TAF2: variants seen among roughly 807,000 people sequenced by gnomAD.
The protein encoded by TAF2 is TATA-box binding protein associated factor 2.
A neutral mutation model predicts 138.5 loss-of-function variants in TAF2; 61 were observed. The observed-to-expected ratio is 0.44, with a 90% confidence interval of 0.36 to 0.54. The LOEUF is 0.54. TAF2 is among the 20% of genes least tolerant of loss of function. The pLI, the probability that TAF2 is intolerant of heterozygous loss-of-function variation, is 0.00. For missense variants in TAF2, 1,090 were observed against 1,427.9 expected (o/e 0.76, Z 3.81); for synonymous variants, 475 against 469.9 (o/e 1.01, Z -0.14).
At chr8:119,762,308 A>T in intron 19 of TAF2, 107 bp downstream of exon 19, 1 of 1,051,804 alleles carries the variant, frequency 9.5e-7, no homozygotes, top group Non-Finnish European at 1.4e-6. Flanking sequence ...ACAGAATTTT[A>T]GTTTTCTCAT....
intron 22 of TAF2, among the ~76,000 whole-genome samples, chr8:119,753,072 T>C (rs1820462172): frequency 6.6e-6 from 1 of 152,156 alleles, no homozygotes; most frequent in African/African-American, 2.4e-5. Flanking sequence ...ACAATAACCA[T>C]TAAGAAGATA....
At chr8:119,778,572 C>T (rs1822422115) in intron 17 of TAF2, among the ~76,000 whole-genome samples, 2 of 152,288 alleles carry the variant, frequency 1.3e-5, no homozygotes, top group African/African-American at 2.4e-5. Context: ...GCCTTTAGCT[C>T]GTTGCCTATT....
chr8:119,801,985 T>G lies in TAF2; in HGVS notation c.601A>C (p.Thr201Pro), dbSNP rs1295782447. ...PCVDSYSELC[T>P]WKLEFTVDAA... ...TCTACTGTAAATTCTAATTTCCATGTACACAATTCAGAGTATGAATCAACA... is the reference window on the plus strand; with the variant it reads ...TCTACTGTAAATTCTAATTTCCATGGACACAATTCAGAGTATGAATCAACA... Residue 201 changes from threonine to proline, a missense_variant, in exon 6 of 26, where the codon ACA (threonine) becomes CCA (proline). Coordinates refer to ENST00000378164, the MANE Select transcript of TAF2 (RefSeq NM_003184.4). 1 of 1,614,014 alleles carries G rather than the reference T, an allele frequency of 6.2e-7. No homozygotes were observed. The highest frequency in any genetic ancestry group is 8.5e-7 in the Non-Finnish European group (1 of 1,180,018).
At chr8:119,785,140 A>G in intron 15 of TAF2, 61 bp downstream of exon 15, 1 of 1,383,764 alleles carries the variant, frequency 7.2e-7, no homozygotes, top group Non-Finnish European at 1.0e-6. Flanking sequence ...TACGCATAAC[A>G]AAGTAGACAG....
chr8:119,829,021 T>G (rs968332854), intron 2 of TAF2, among the ~76,000 whole-genome samples: 3 of 152,254 alleles, frequency 2.0e-5, no homozygotes, highest in African/African-American at 4.8e-5. Flanking sequence ...TTTCAGTGGC[T>G]CATAGGACTT....
In TAF2 at chr8:119,788,865, T is replaced by A; in HGVS notation, c.1608A>T (p.Ala536=). The A allele has an allele frequency of 6.2e-7, 1 of 1,613,858 alleles. No individual in the cohort carries two copies. Among genetic ancestry groups the A allele is most frequent in the Non-Finnish European group, 8.5e-7 (1 of 1,179,820 alleles). ...SGVVKFYGSF[A]FNRKRNVLEL... Reference sequence around the variant, plus strand: ...CCAAGACATTTCGTTTTCTATTAAATGCAAAACTTCCATAAAATTTTACCA... The same window carrying A: ...CCAAGACATTTCGTTTTCTATTAAAAGCAAAACTTCCATAAAATTTTACCA... Residue 536 remains alanine, a synonymous_variant, in exon 13 of 26, where the codon GCA becomes GCT. Coordinates refer to ENST00000378164, the MANE Select transcript of TAF2 (RefSeq NM_003184.4).
chr8:119,816,050 CTTT>C (rs770573593), intron 3 of TAF2, among the ~76,000 whole-genome samples: 6 of 133,906 alleles, frequency 4.5e-5, no homozygotes, highest in South Asian at 2.5e-4. Context: ...CACACTCTTT[CTTT>C]TTTTTTTTTT....
In TAF2 at chr8:119,788,789, C is replaced by T. The variant is rs1823214481; in HGVS notation, c.1683+1G>A. On this transcript the variant is annotated splice_donor_variant, in intron 13 of 25. Coordinates refer to ENST00000378164, the MANE Select transcript of TAF2 (RefSeq NM_003184.4). LOFTEE classifies it high-confidence loss of function. Reference sequence around the variant, plus strand: ...AAAGGCGATTTTGGAAAAAGACTTACCACGTATTTCTGAGTTCCAGGAGAT... The same window carrying T: ...AAAGGCGATTTTGGAAAAAGACTTATCACGTATTTCTGAGTTCCAGGAGAT... 1.2e-6 allele frequency: 2 copies of T among 1,608,096 alleles called. No homozygotes were observed. The highest frequency in any genetic ancestry group is 1.7e-5 in the Admixed American group (1 of 59,978).
intron 18 of TAF2, among the ~76,000 whole-genome samples, chr8:119,765,091 T>C (rs1012753165): frequency 6.6e-6 from 1 of 152,190 alleles, no homozygotes; most frequent in African/African-American, 2.4e-5. Flanking sequence ...TACAATGTAA[T>C]AAGTTCTGCG....
chr8:119,811,427 C>T (rs1490828284), intron 3 of TAF2, among the ~76,000 whole-genome samples: 1 of 152,030 alleles, frequency 6.6e-6, no homozygotes, highest in Admixed American at 6.6e-5. Context: ...GCTACACACG[C>T]CCTAGTAAAC....
Position 119,788,346 on chromosome 8 carries a change from T to C in TAF2, c.1785A>G (p.Lys595=). Residue 595 remains lysine (K), a synonymous_variant, in exon 14 of 26, where the codon AAA becomes AAG. Transcript: ENST00000378164. ...SLKHDIPCHS[K]SRRNKKKKIP... ...TATTATGTAATGCCTACCTTCTACT[T>C]TTGGAATGGCAGGGTATATCATGTT... is the stretch of plus-strand genomic sequence containing the variant. The C allele has an allele frequency of 6.2e-7, 1 of 1,612,512 alleles. No individual in the cohort carries two copies. Among genetic ancestry groups the C allele is most frequent in the Non-Finnish European group, 8.5e-7 (1 of 1,178,766 alleles).
At chr8:119,741,340 TGAA>T (rs1260710280) in intron 25 of TAF2, among the ~76,000 whole-genome samples, 3 of 152,158 alleles carry the variant, frequency 2.0e-5, no homozygotes, top group Admixed American at 6.5e-5. Context: ...TCAAACTGTA[TGAA>T]GGAGTTTGAA....
chr8:119,797,279 C>T (rs1293177888), intron 7 of TAF2, among the ~76,000 whole-genome samples, 176 bp from the exon 8 acceptor site: 1 of 151,972 alleles, frequency 6.6e-6, no homozygotes, highest in Non-Finnish European at 1.5e-5. Flanking sequence ...TTGCTTAAAG[C>T]AAAGAACACA....
In TAF2 at chr8:119,788,331, T is replaced by C. The variant is rs1823172909; in HGVS notation, c.1793+7A>G. ...CTTTCAATTTATAGTTATTATGTAA[T>C]GCCTACCTTCTACTTTTGGAATGGC... On this transcript the variant is annotated splice_region_variant and intron_variant, in intron 14 of 25. Coordinates refer to ENST00000378164, the MANE Select transcript of TAF2 (RefSeq NM_003184.4). The C allele has an allele frequency of 6.2e-7, 1 of 1,604,170 alleles. No individual in the cohort carries two copies. Among genetic ancestry groups the C allele is most frequent in the African/African-American group, 1.3e-5 (1 of 74,762 alleles).
At position 119,754,944 on chromosome 8, in the gene TAF2, C is replaced by T. The variant is rs114235376; in HGVS notation, c.2878+1062G>A. ...TGGAAAAACAGAAATACAAATAGCT[C>T]AAATATTGAGAAGCGTAACTATCAT... On this transcript the variant is annotated intron_variant, in intron 22 of 25. Coordinates refer to ENST00000378164, the MANE Select transcript of TAF2 (RefSeq NM_003184.4). Among the ~76,000 whole-genome samples the T allele has an allele frequency of 4.6e-3, 703 of 152,210 alleles. 4 individuals carry two copies. Among genetic ancestry groups the T allele is most frequent in the African/African-American group, 0.016 (684 of 41,520 alleles).
At chr8:119,823,153 G>A (rs1027144119) in intron 2 of TAF2, among the ~76,000 whole-genome samples, 2 of 152,114 alleles carry the variant, frequency 1.3e-5, no homozygotes, top group African/African-American at 4.8e-5. Context: ...AATGCCTTTA[G>A]ATCTATGCTA....
At chr8:119,784,799 A>G (rs10101278) in intron 15 of TAF2, among the ~76,000 whole-genome samples, 41,347 of 152,104 alleles carry the variant, frequency 0.27, 6,883 homozygotes, top group Admixed American at 0.46. Context: ...ATCACCTGGG[A>G]GCTCATGAGA....
chr8:119,782,460 T>C, intron 16 of TAF2, among the ~76,000 whole-genome samples: 1 of 152,318 alleles, frequency 6.6e-6, no homozygotes, highest in African/African-American at 2.4e-5. Flanking sequence ...AAATCACTGC[T>C]TTCTCATATA....
intron 23 of TAF2, among the ~76,000 whole-genome samples, chr8:119,746,030 G>A (rs1486006193): frequency 1.3e-5 from 2 of 152,086 alleles, no homozygotes; most frequent in Non-Finnish European, 2.9e-5. Context: ...CTGTTTTCAC[G>A]TGGCTTACCA....
Sources: gnomAD v4.1 joint callset for allele counts (sites outside exome capture counted in the v4.1 genomes callset) on GRCh38, gnomAD v4.1.1 for gene constraint, MANE v1.5 for transcripts, NCBI Gene and HGNC (gene_info 2026-07-23, HGNC 2026-07-21) for gene names.